CBLN2: variants seen among roughly 807,000 people sequenced by gnomAD.
CBLN2 encodes cerebellin 2 precursor, also known as cerebellin-2.
A neutral mutation model predicts 15.0 loss-of-function variants in CBLN2; 7 were observed. That is an observed-to-expected ratio of 0.47 (90% CI 0.27 to 0.88). The LOEUF is 0.88. Ranked by LOEUF, CBLN2 falls within the 40% of genes least tolerant of loss-of-function variation. CBLN2 has a pLI of 0.14. For synonymous variants in CBLN2, 149 were observed against 135.2 expected, an observed-to-expected ratio of 1.10 and a Z score of -0.71; for missense variants, 242 against 304.5, an observed-to-expected ratio of 0.79 and a Z score of 1.53.
At chr18:72,604,448 C>CT in intron 1 of CBLN2, among the ~76,000 whole-genome samples, 1 of 152,214 alleles carries the variant, frequency 6.6e-6, no homozygotes, top group African/African-American at 2.4e-5. Context: ...GACCGGCTAG[C>CT]TTTTTAAGAT....
At chr18:72,635,974 A>G (rs1332242891) in intron 1 of CBLN2, among the ~76,000 whole-genome samples, 11 of 152,318 alleles carry the variant, frequency 7.2e-5, no homozygotes, top group Admixed American at 6.5e-4. Context: ...AGAGGGAGAT[A>G]CATCAATTTA....
At chr18:72,538,840 T>G (rs1395631403) in intron 3 of CBLN2, 68 bp from the exon 4 acceptor site, 1 of 1,577,366 alleles carries the variant, frequency 6.3e-7, no homozygotes, top group African/African-American at 1.4e-5. Context: ...TCATCATCCT[T>G]GGATAACCAG....
intron 1 of CBLN2, among the ~76,000 whole-genome samples, chr18:72,549,467 T>G (rs2069178634): frequency 6.6e-6 from 1 of 152,180 alleles, no homozygotes; most frequent in Non-Finnish European, 1.5e-5. Flanking sequence ...AAAAGTGTGA[T>G]TAAATATATG....
At chr18:72,565,216 T>A (rs1023076877) in intron 1 of CBLN2, among the ~76,000 whole-genome samples, 1 of 152,160 alleles carries the variant, frequency 6.6e-6, no homozygotes, top group Admixed American at 6.5e-5. Context: ...CTGGTAGAGA[T>A]AAATTCATAG....
At chr18:72,630,994 C>G (rs191051691) in intron 1 of CBLN2, 1 of 152,046 alleles carries the variant, frequency 6.6e-6, no homozygotes, top group South Asian at 2.1e-4. Context: ...TTTACGGTAA[C>G]GAAGAAAAAT....
chr18:72,625,816 C>CTA (rs1330243296), intron 1 of CBLN2, among the ~76,000 whole-genome samples: 4,250 of 61,366 alleles, frequency 0.069, 136 homozygotes, highest in Non-Finnish European at 0.093. Flanking sequence ...CTCTCTCTCT[C>CTA]TCTATATATA....
In CBLN2 at chr18:72,592,341, T is replaced by C. The variant is rs548592836; in HGVS notation, c.15+45984A>G. On this transcript the variant is annotated intron_variant, in intron 1 of 2. Coordinates refer to the CBLN2 transcript ENST00000581073. ...TCCAGATCTTTGGCCCATTTTTAAATAGAATTATTGCATTTCTCCCTATTG... is the reference window on the plus strand; with the variant it reads ...TCCAGATCTTTGGCCCATTTTTAAACAGAATTATTGCATTTCTCCCTATTG... 2.6e-5 allele frequency among the ~76,000 whole-genome samples: 4 copies of C among 152,198 alleles called. No homozygotes were observed. In the East Asian group the frequency reaches 7.7e-4, roughly 29 times the overall value.
At chr18:72,551,945 T>A (rs1476057597) in intron 1 of CBLN2, among the ~76,000 whole-genome samples, 2 of 152,204 alleles carry the variant, frequency 1.3e-5, no homozygotes, top group Non-Finnish European at 2.9e-5. Context: ...ACCTTTCATA[T>A]CAAAAAGTTA....
At chr18:72,559,016 T>C (rs1348569082) in intron 1 of CBLN2, among the ~76,000 whole-genome samples, 2 of 152,296 alleles carry the variant, frequency 1.3e-5, no homozygotes, top group South Asian at 2.1e-4. Context: ...GATAGTACCA[T>C]TACACTCCAG....
intron 1 of CBLN2, among the ~76,000 whole-genome samples, chr18:72,613,494 G>C (rs1282729856): frequency 1.2e-4 from 10 of 86,098 alleles, no homozygotes; most frequent in South Asian, 8.3e-4. Flanking sequence ...ACACACTTTA[G>C]TTGAAAGATT....
intron 1 of CBLN2, among the ~76,000 whole-genome samples, chr18:72,564,906 GA>G (rs2069284528): frequency 6.6e-6 from 1 of 152,138 alleles, no homozygotes; most frequent in Admixed American, 6.5e-5. Flanking sequence ...AGCAGCAAAA[GA>G]AAAACACTAA....
Position 72,577,854 on chromosome 18 carries a change from C to T in CBLN2, c.16-39082G>A, listed in dbSNP as rs146143339. ...ATAATAGTTTGTACTAAGAATTATACCATTGCCATCAGCATTAGAGCATTG... is the reference window on the plus strand; with the variant it reads ...ATAATAGTTTGTACTAAGAATTATATCATTGCCATCAGCATTAGAGCATTG... On this transcript the variant is annotated intron_variant, in intron 1 of 2. Coordinates refer to the CBLN2 transcript ENST00000581073. Among the ~76,000 whole-genome samples the T allele has an allele frequency of 2.3e-3, 355 of 152,268 alleles. 1 individual carries two copies. The highest frequency in any genetic ancestry group is 8.1e-3 in the African/African-American group (336 of 41,542).
intron 1 of CBLN2, among the ~76,000 whole-genome samples, chr18:72,636,480 G>A (rs1375168602): frequency 1.3e-5 from 2 of 152,150 alleles, no homozygotes; most frequent in Admixed American, 1.3e-4. Flanking sequence ...GGTGAGGGAT[G>A]GTTGTATCTT....
chr18:72,554,967 C>T (rs752012287), intron 1 of CBLN2, among the ~76,000 whole-genome samples: 3 of 152,032 alleles, frequency 2.0e-5, no homozygotes, highest in Admixed American at 1.3e-4. Context: ...GAAAACCCGT[C>T]TCTATTAAAA....
intron 1 of CBLN2, among the ~76,000 whole-genome samples, chr18:72,553,111 G>A (rs901772939): frequency 1.3e-5 from 2 of 152,160 alleles, no homozygotes; most frequent in Non-Finnish European, 2.9e-5. Context: ...TTTACAGAAT[G>A]GATTACACAG....
At chr18:72,619,275 G>A in intron 1 of CBLN2, 1 of 741,098 alleles carries the variant, frequency 1.3e-6, no homozygotes, top group Non-Finnish European at 2.2e-6. Context: ...AGAAGTGACG[G>A]GGAAGCTACA....
At chr18:72,613,120 A>G (rs375009822) in intron 1 of CBLN2, among the ~76,000 whole-genome samples, 1 of 152,292 alleles carries the variant, frequency 6.6e-6, no homozygotes, top group African/African-American at 2.4e-5. Context: ...ATAAGGACAC[A>G]GTCATTTTGA....
At chr18:72,570,474 C>A (rs2069324960) in intron 1 of CBLN2, among the ~76,000 whole-genome samples, 2 of 151,542 alleles carry the variant, frequency 1.3e-5, no homozygotes, top group Admixed American at 1.3e-4. Flanking sequence ...TCTCAAACTC[C>A]TGGGCTCAAG....
At chr18:72,586,935 TACTATA>T (rs2069447409) in intron 1 of CBLN2, among the ~76,000 whole-genome samples, 1 of 152,044 alleles carries the variant, frequency 6.6e-6, no homozygotes, top group African/African-American at 2.4e-5. Flanking sequence ...CAAATGTTCA[TACTATA>T]ACTATGATAT....
Sources: gnomAD v4.1 joint callset for allele counts (sites outside exome capture counted in the v4.1 genomes callset) on GRCh38, gnomAD v4.1.1 for gene constraint, MANE v1.5 for transcripts, NCBI Gene and HGNC (gene_info 2026-07-23, HGNC 2026-07-21) for gene names.